The following LDLRAD4 variants were observed in gnomAD, a reference collection of about 807,000 sequenced individuals.
The protein encoded by LDLRAD4 is low density lipoprotein receptor class A domain containing 4, also known as low-density lipoprotein receptor class A domain-containing protein 4.
LDLRAD4 carries 5 observed loss-of-function variants against 17.0 expected under a neutral mutation model. That is an observed-to-expected ratio of 0.29 (90% confidence interval 0.15 to 0.62). LDLRAD4 has a LOEUF of 0.62. Among genes scored for constraint, LDLRAD4 ranks in the 20% least tolerant of loss-of-function variants. The pLI is 0.84. For missense variants in LDLRAD4, 340 were observed against 424.7 expected (o/e 0.80, Z 1.75); for synonymous variants, 168 against 171.8 (o/e 0.98, Z 0.17).
At chr18:13,529,142 T>G (rs1023153772) in intron 3 of LDLRAD4, among the ~76,000 whole-genome samples, 2 of 152,252 alleles carry the variant, frequency 1.3e-5, no homozygotes, top group Middle Eastern at 3.4e-3. Context: ...AGGAGCTCAC[T>G]GTCTGATTCT....
At chr18:13,373,927 T>G (rs2084701405) in intron 1 of LDLRAD4, among the ~76,000 whole-genome samples, 1 of 152,230 alleles carries the variant, frequency 6.6e-6, no homozygotes, top group Non-Finnish European at 1.5e-5. Context: ...ACGTGTACAG[T>G]TCCATTCTTC....
chr18:13,338,196 G>A (rs111663557), intron 1 of LDLRAD4, among the ~76,000 whole-genome samples: 2,043 of 152,178 alleles, frequency 0.013, 30 homozygotes, highest in Middle Eastern at 0.034. Context: ...AATGCAACTC[G>A]TGCTTCATAT....
rs946953585 is a variant in LDLRAD4, at chr18:13,645,423, C to G, written c.687C>G (p.Cys229Trp). The G allele has an allele frequency of 2.5e-6, 4 of 1,613,960 alleles. No individual in the cohort carries two copies. In the African/African-American group the frequency reaches 4.0e-5, roughly 16 times the overall value. The change falls in exon 6 of 6, where the codon TGC (cysteine) becomes TGG (tryptophan). Residue 229 changes from cysteine to tryptophan, a missense_variant. Physicochemically the swap from Cys to Trp is radical, Grantham distance 215. Coordinates refer to ENST00000359446, the Ensembl canonical transcript of LDLRAD4. This position sits in a 1 kb window ranked among gnomAD's most constrained non-coding sequence, Gnocchi z 5.7. ...TTGCTATGTATAGCGGGGGTCCATG[C>G]CCACCCAGCAGCAACTCGGGCATCA...
intron 3 of LDLRAD4, among the ~76,000 whole-genome samples, chr18:13,591,505 T>C (rs2095029671): frequency 6.6e-6 from 1 of 152,134 alleles, no homozygotes; most frequent in Admixed American, 6.5e-5. Flanking sequence ...CGCGACAGAA[T>C]GTTAAAAATA....
chr18:13,228,310 G>A lies in LDLRAD4; in HGVS notation c.-467+9322G>A, dbSNP rs1374323004. Among the ~76,000 whole-genome samples the A allele has an allele frequency of 5.3e-5, 8 of 152,172 alleles. No homozygotes were observed. In the East Asian group the frequency reaches 1.2e-3, roughly 22 times the overall value. ...GTACGCCTCTGCCACAGTCCTTGGC[G>A]GTTCTCCATTTTCCTCAGTGAGGTG... On this transcript the variant is annotated intron_variant, in intron 1 of 5. Coordinates refer to the LDLRAD4 transcript ENST00000399848.
intron 1 of LDLRAD4, among the ~76,000 whole-genome samples, chr18:13,318,756 T>C (rs2143149918): frequency 6.6e-6 from 1 of 152,296 alleles, no homozygotes; most frequent in Non-Finnish European, 1.5e-5. Flanking sequence ...TCTGTGTCAC[T>C]GTGGTGCTGC....
intron 1 of LDLRAD4, among the ~76,000 whole-genome samples, chr18:13,373,738 T>C (rs2084690253): frequency 6.6e-6 from 1 of 152,274 alleles, no homozygotes; most frequent in Admixed American, 6.5e-5. Context: ...TGTGGTATTT[T>C]GCAGTTCAGT....
Position 13,250,665 on chromosome 18 carries a change from C to T in LDLRAD4, c.-466-27440C>T, listed in dbSNP as rs943171519. On this transcript the variant is annotated intron_variant, in intron 1 of 5. Transcript: ENST00000399848. Reference sequence around the variant, plus strand: ...GGCTGAATTCCTGGACACATGCAGCCTACCAAGATTGAGCCAAGAAGAAAA... The same window carrying T: ...GGCTGAATTCCTGGACACATGCAGCTTACCAAGATTGAGCCAAGAAGAAAA... 7.0e-4 allele frequency among the ~76,000 whole-genome samples: 107 copies of T among 152,222 alleles called. 1 individual carries two copies. Among genetic ancestry groups the T allele is most frequent in the African/African-American group, 2.5e-3 (103 of 41,564 alleles).
chr18:13,363,542 G>A (rs530592497), intron 1 of LDLRAD4, among the ~76,000 whole-genome samples: 1 of 152,258 alleles, frequency 6.6e-6, no homozygotes, highest in East Asian at 1.9e-4. Context: ...GTTATGCATC[G>A]TGTCAGAGGA....
intron 1 of LDLRAD4, among the ~76,000 whole-genome samples, chr18:13,224,075 C>G (rs981757568): frequency 6.6e-6 from 1 of 152,184 alleles, no homozygotes; most frequent in Non-Finnish European, 1.5e-5. Flanking sequence ...GTGCTGTAGC[C>G]CTCCCTCCCC....
At chr18:13,486,369 T>C (rs2093222988) in intron 3 of LDLRAD4, 2 of 152,258 alleles carry the variant, frequency 1.3e-5, no homozygotes, top group Admixed American at 6.5e-5. Flanking sequence ...TGGCTAAGCA[T>C]ACAAACAAAT....
At chr18:13,310,785 A>G (rs183565860) in intron 1 of LDLRAD4, among the ~76,000 whole-genome samples, 1 of 152,370 alleles carries the variant, frequency 6.6e-6, no homozygotes, top group African/African-American at 2.4e-5. Flanking sequence ...ACTGTAGATC[A>G]TCTGAGATTA....
At chr18:13,508,653 G>A (rs2093731501) in intron 3 of LDLRAD4, among the ~76,000 whole-genome samples, 1 of 152,104 alleles carries the variant, frequency 6.6e-6, no homozygotes, top group Non-Finnish European at 1.5e-5. Flanking sequence ...TAGATCCATA[G>A]ATGTATTTTT....
At chr18:13,596,411 T>C (rs1484176612) in intron 3 of LDLRAD4, among the ~76,000 whole-genome samples, 1 of 152,200 alleles carries the variant, frequency 6.6e-6, no homozygotes. Flanking sequence ...GTTTCCTATA[T>C]GTCTCATCTT....
At chr18:13,409,793 G>T (rs1238656440) in intron 2 of LDLRAD4, among the ~76,000 whole-genome samples, 2 of 152,174 alleles carry the variant, frequency 1.3e-5, no homozygotes, top group African/African-American at 4.8e-5. Flanking sequence ...CTGTAGGTGA[G>T]ACCTGATACT....
chr18:13,224,427 T>A (rs1371606978), intron 1 of LDLRAD4, among the ~76,000 whole-genome samples: 1 of 150,838 alleles, frequency 6.6e-6, no homozygotes, highest in Non-Finnish European at 1.5e-5. Flanking sequence ...CTCGGAGGGA[T>A]CCAGTTCATC....
At chr18:13,337,490 A>G (rs1245090118) in intron 1 of LDLRAD4, among the ~76,000 whole-genome samples, 1 of 152,176 alleles carries the variant, frequency 6.6e-6, no homozygotes, top group East Asian at 1.9e-4. Context: ...ATCGAGAGGA[A>G]AGGAAAAAGT....
At chr18:13,524,486 CAG>C (rs1293611122) in intron 3 of LDLRAD4, among the ~76,000 whole-genome samples, 1 of 152,226 alleles carries the variant, frequency 6.6e-6, no homozygotes, top group South Asian at 2.1e-4. Context: ...TATCTGGGAA[CAG>C]AGTTTGAAGG....
At chr18:13,306,705 A>G (rs1178070380) in intron 1 of LDLRAD4, among the ~76,000 whole-genome samples, 2 of 152,230 alleles carry the variant, frequency 1.3e-5, no homozygotes, top group Non-Finnish European at 2.9e-5. Context: ...TCAAACCCGA[A>G]ACAATAAATT....
Sources: allele counts gnomAD v4.1 joint callset (sites outside exome capture counted in the v4.1 genomes callset), GRCh38; gene constraint gnomAD v4.1.1; non-coding constraint Gnocchi (gnomAD v3.1); transcripts MANE v1.5; gene names NCBI Gene and HGNC (gene_info 2026-07-23, HGNC 2026-07-21).